NCALD: variants seen among roughly 807,000 people sequenced by gnomAD.
NCALD encodes neurocalcin delta.
In NCALD, 10 loss-of-function variants were observed where a neutral mutation model predicts 18.6. The ratio of observed to expected loss-of-function variants is 0.54; its 90% CI spans 0.33 to 0.91. NCALD has a LOEUF of 0.91. Among genes scored for constraint, NCALD ranks in the 40% least tolerant of loss-of-function variants. The pLI, the probability that NCALD is intolerant of heterozygous loss-of-function variation, is 0.03. For synonymous variants in NCALD, 88 were observed against 87.4 expected (o/e 1.01, Z -0.04); for missense variants, 184 against 247.6 (o/e 0.74, Z 1.72).
intron 4 of NCALD, among the ~76,000 whole-genome samples, chr8:101,804,521 A>G (rs1327131240): frequency 8.1e-6 from 1 of 123,176 alleles, no homozygotes; most frequent in African/African-American, 3.7e-5. Flanking sequence ...AATATATAAC[A>G]AAGATTATAT....
rs567256543 is a variant in NCALD at position 101,892,551 on chromosome 8, G to A, written c.-106-5324C>T. Among the ~76,000 whole-genome samples the A allele has an allele frequency of 1.5e-4, 23 of 149,230 alleles. 2 individuals carry two copies. Among genetic ancestry groups the A allele is most frequent in the Admixed American group, 8.6e-4 (13 of 15,100 alleles). The stretch of plus-strand genomic sequence containing the variant: ...AAATTGAGAGAAGAAGGCTTCAGAC[G>A]ATCAAACTACTCCGAGCTACAGGAG... On this transcript the variant is annotated intron_variant, in intron 3 of 6. Transcript: ENST00000311028.
At chr8:101,700,848 C>T (rs915919346) in intron 2 of NCALD, among the ~76,000 whole-genome samples, 8 of 152,124 alleles carry the variant, frequency 5.3e-5, no homozygotes, top group African/African-American at 2.4e-5. Flanking sequence ...AAATGAACGG[C>T]GTCCGAAGTC....
At chr8:102,025,109 G>A (rs117838674) in intron 1 of NCALD, among the ~76,000 whole-genome samples, 4,034 of 152,204 alleles carry the variant, frequency 0.027, 67 homozygotes, top group Middle Eastern at 0.044. Context: ...TCCTAGGCTC[G>A]GCTCTAGCTG....
intron 4 of NCALD, among the ~76,000 whole-genome samples, chr8:101,803,005 A>G (rs986947962): frequency 6.6e-6 from 1 of 152,074 alleles, no homozygotes; most frequent in Non-Finnish European, 1.5e-5. Context: ...GAAGGTGACT[A>G]TACTTCAAAA....
intron 3 of NCALD, among the ~76,000 whole-genome samples, chr8:101,915,247 G>A (rs1817933156): frequency 6.6e-6 from 1 of 152,126 alleles, no homozygotes; most frequent in Non-Finnish European, 1.5e-5. Context: ...TAACCACATT[G>A]GAGTTAGATT....
chr8:101,842,385 A>T (rs1032971698), intron 4 of NCALD, among the ~76,000 whole-genome samples: 1 of 152,244 alleles, frequency 6.6e-6, no homozygotes, highest in African/African-American at 2.4e-5. Context: ...AATGGGATGC[A>T]TCAGTTGGGA....
At chr8:101,843,427 T>C (rs1175232217) in intron 4 of NCALD, among the ~76,000 whole-genome samples, 1 of 152,136 alleles carries the variant, frequency 6.6e-6, no homozygotes, top group Non-Finnish European at 1.5e-5. Context: ...CTTCTGAGTA[T>C]GTGCATGTAC....
intron 4 of NCALD, among the ~76,000 whole-genome samples, chr8:101,867,065 A>G (rs972614271): frequency 2.6e-5 from 4 of 151,998 alleles, no homozygotes; most frequent in Admixed American, 2.0e-4. Flanking sequence ...ACCGTTCCTC[A>G]AGCACACCAG....
intron 2 of NCALD, among the ~76,000 whole-genome samples, chr8:101,926,543 G>T (rs191611028): frequency 4.6e-5 from 7 of 152,096 alleles, no homozygotes; most frequent in Non-Finnish European, 1.0e-4. Flanking sequence ...GACTATTTCC[G>T]TTTTAAATAA....
chr8:101,929,350 A>G lies in NCALD; in HGVS notation c.-156-13492T>C, dbSNP rs561682383. Reference sequence around the variant, plus strand: ...AAGCAAGGAAGGAAGGGAGGGAGGAAGGAAAGGGAATGGAAGGGAGGAGGG... The same window carrying G: ...AAGCAAGGAAGGAAGGGAGGGAGGAGGGAAAGGGAATGGAAGGGAGGAGGG... On this transcript the variant is annotated intron_variant, in intron 2 of 6. Coordinates refer to the NCALD transcript ENST00000311028. 1.6e-3 allele frequency among the ~76,000 whole-genome samples: 82 copies of G among 49,934 alleles called. 1 individual carries two copies. The highest frequency in any genetic ancestry group is 6.5e-3 in the African/African-American group (72 of 11,122). The allele number at this position is 49,934 out of a possible 152,430, so 32.8% of individuals were successfully genotyped here. A position where few individuals can be genotyped will look rare whatever the true frequency, so the allele number is the denominator to read the frequency against.
At chr8:101,991,108 TG>T (rs1366945392) in intron 2 of NCALD, among the ~76,000 whole-genome samples, 22 of 152,348 alleles carry the variant, frequency 1.4e-4, no homozygotes, top group East Asian at 1.2e-3. Context: ...AGGCATACTT[TG>T]TTAGGGTGTA....
intron 2 of NCALD, among the ~76,000 whole-genome samples, chr8:101,951,127 A>T (rs556475079): frequency 6.6e-6 from 1 of 152,188 alleles, no homozygotes; most frequent in African/African-American, 2.4e-5. Flanking sequence ...GGTTTTGGGA[A>T]TAGGTCACAG....
intron 1 of NCALD, among the ~76,000 whole-genome samples, chr8:102,100,747 G>A (rs1825249658): frequency 6.6e-6 from 1 of 152,230 alleles, no homozygotes; most frequent in African/African-American, 2.4e-5. Flanking sequence ...TCTGACACAT[G>A]CTACAACATG....
At chr8:101,890,971 C>T (rs1012288784) in intron 3 of NCALD, among the ~76,000 whole-genome samples, 5 of 152,082 alleles carry the variant, frequency 3.3e-5, no homozygotes, top group South Asian at 4.2e-4. Context: ...CATGGAATAT[C>T]GATAAACCAC....
chr8:102,019,121 C>T (rs543680435), intron 2 of NCALD, among the ~76,000 whole-genome samples: 255 of 152,084 alleles, frequency 1.7e-3, no homozygotes, highest in Admixed American at 2.8e-3. Flanking sequence ...AGGGGCTTCT[C>T]ACAAAATAAG....
intron 4 of NCALD, among the ~76,000 whole-genome samples, chr8:101,845,987 T>C (rs537452101): frequency 1.3e-5 from 2 of 152,340 alleles, no homozygotes; most frequent in South Asian, 4.1e-4. Context: ...TCTGCATCCA[T>C]GTTGCTGCAA....
intron 1 of NCALD, among the ~76,000 whole-genome samples, chr8:102,038,517 C>T (rs1311887304): frequency 2.0e-5 from 3 of 152,130 alleles, no homozygotes; most frequent in African/African-American, 7.2e-5. Flanking sequence ...CACCACCTGG[C>T]ATTTGGTGGC....
intron 2 of NCALD, among the ~76,000 whole-genome samples, chr8:101,964,139 T>C (rs906488443): frequency 1.3e-5 from 2 of 152,190 alleles, no homozygotes; most frequent in Non-Finnish European, 2.9e-5. Flanking sequence ...CTTCTAACTA[T>C]CTTATTCTCA....
At chr8:102,027,653 A>G (rs1026682994) in intron 1 of NCALD, among the ~76,000 whole-genome samples, 1 of 152,144 alleles carries the variant, frequency 6.6e-6, no homozygotes, top group Non-Finnish European at 1.5e-5. Flanking sequence ...TCTTTACAGC[A>G]GCGCCCTACA....
Sources: gnomAD v4.1 joint callset for allele counts (sites outside exome capture counted in the v4.1 genomes callset) on GRCh38, gnomAD v4.1.1 for gene constraint, MANE v1.5 for transcripts, NCBI Gene and HGNC (gene_info 2026-07-23, HGNC 2026-07-21) for gene names.